TG: variants seen among roughly 807,000 people sequenced by gnomAD.
The protein encoded by TG is thyroid hormones.
A neutral mutation model predicts 324.7 loss-of-function variants in TG; 270 were observed. The ratio of observed to expected loss-of-function variants is 0.83; its 90% CI spans 0.75 to 0.92. The LOEUF is 0.92. Among genes scored for constraint, TG ranks in the 40% least tolerant of loss-of-function variants. The pLI is 0.00. For synonymous variants in TG, 1,401 were observed against 1,327.0 expected, an observed-to-expected ratio of 1.06 and a Z score of -1.21; for missense variants, 3,591 against 3,456.4, an observed-to-expected ratio of 1.04 and a Z score of -0.98.
At chr8:132,969,779 C>T (rs997989022) in intron 32 of TG, among the ~76,000 whole-genome samples, 3 of 151,744 alleles carry the variant, frequency 2.0e-5, no homozygotes, top group African/African-American at 4.8e-5. Context: ...GGCATGGTGG[C>T]GGCACATGCT....
At position 133,108,970 on chromosome 8, in the gene TG, G is replaced by A. The variant is rs141963103; in HGVS notation, c.7573-4452G>A. On this transcript the variant is annotated intron_variant, in intron 43 of 47. Coordinates refer to ENST00000220616, the MANE Select transcript of TG (RefSeq NM_003235.5). ...GCTAAACACTTTTAATGCATGTTTC[G>A]TTGGGATCTGTTAATAATTCATGCA... Among the ~76,000 whole-genome samples, 708 of 152,294 alleles carry A rather than the reference G, an allele frequency of 4.6e-3. 2 individuals carry two copies. Among genetic ancestry groups the A allele is most frequent in the South Asian group, 0.011 (51 of 4,826 alleles).
chr8:132,976,934 GT>G (rs1830244810), intron 34 of TG, among the ~76,000 whole-genome samples: 1 of 152,174 alleles, frequency 6.6e-6, no homozygotes, highest in East Asian at 1.9e-4. Flanking sequence ...TTTGAGAAGG[GT>G]AACCTTACTT....
chr8:132,949,435 A>G (rs1825796465), intron 27 of TG, among the ~76,000 whole-genome samples: 1 of 152,216 alleles, frequency 6.6e-6, no homozygotes, highest in Admixed American at 6.5e-5. Flanking sequence ...TAAACAAGAG[A>G]CAAAGGGTGG....
At chr8:133,123,722 AC>A (rs36076027) in intron 45 of TG, among the ~76,000 whole-genome samples, 38,379 of 151,936 alleles carry the variant, frequency 0.25, 5,376 homozygotes, top group African/African-American at 0.36. Context: ...TGGGGACCGC[AC>A]CCCCAGCCCT....
At chr8:133,049,002 G>C (rs757279902) in intron 41 of TG, 5 of 349,016 alleles carry the variant, frequency 1.4e-5, no homozygotes, top group Admixed American at 7.4e-5. Flanking sequence ...CATTTCCAAT[G>C]TGCTTTGCAT....
intron 5 of TG, among the ~76,000 whole-genome samples, chr8:132,875,933 G>C (rs1813718257): frequency 6.6e-6 from 1 of 152,116 alleles, no homozygotes. Context: ...CATATAGAGG[G>C]CCTAAGCTTA....
Position 132,916,116 on chromosome 8 carries a change from G to A in TG, c.4378+2851G>A, listed in dbSNP as rs539283562. Among the ~76,000 whole-genome samples the A allele has an allele frequency of 3.1e-4, 47 of 152,336 alleles. 1 individual carries two copies. The South Asian group carries it at 8.1e-3, about 26-fold the overall frequency. On this transcript the variant is annotated intron_variant, in intron 20 of 47. Coordinates refer to ENST00000220616, the MANE Select transcript of TG (RefSeq NM_003235.5). Reference sequence around the variant, plus strand: ...TCAGGAAAGTGCTCTGTGAAGTCAGGTGGACCCGGGTTCGAGTCCTAGCTC... The same window carrying A: ...TCAGGAAAGTGCTCTGTGAAGTCAGATGGACCCGGGTTCGAGTCCTAGCTC...
At chr8:133,100,970 C>G (rs1255763829) in intron 43 of TG, among the ~76,000 whole-genome samples, 1 of 147,352 alleles carries the variant, frequency 6.8e-6, no homozygotes, top group Non-Finnish European at 1.5e-5. Context: ...GATTTTTTTT[C>G]TGGGAAAGAA....
In TG at chr8:133,128,253, G is replaced by A. The variant is rs3779947; in HGVS notation, c.7863-3559G>A. Among the ~76,000 whole-genome samples the A allele has an allele frequency of 1.9e-4, 28 of 150,818 alleles. No individual in the cohort carries two copies. The East Asian group carries it at 5.3e-3, about 29-fold the overall frequency. ...CATTCGGCAACTGTGGGCGGAGCAGGGTCTTAGTCCCAACACCCCTTTTCT... is the reference window on the plus strand; with the variant it reads ...CATTCGGCAACTGTGGGCGGAGCAGAGTCTTAGTCCCAACACCCCTTTTCT... On this transcript the variant is annotated intron_variant, in intron 45 of 47. Transcript: ENST00000220616.
intron 30 of TG, 115 bp from the exon 31 acceptor site, chr8:132,967,679 G>A (rs147550701): frequency 8.5e-7 from 1 of 1,182,210 alleles, no homozygotes. Context: ...TCAGGCCTCT[G>A]CCCTAACTAG....
intron 17 of TG, 32 bp downstream of exon 17, chr8:132,906,932 C>A: frequency 6.3e-7 from 1 of 1,582,436 alleles, no homozygotes; most frequent in South Asian, 1.1e-5. Context: ...ATCCTGCACC[C>A]CGCTCCCTCT....
At chr8:132,935,107 C>G (rs1368866296) in intron 24 of TG, among the ~76,000 whole-genome samples, 1 of 151,532 alleles carries the variant, frequency 6.6e-6, no homozygotes, top group Non-Finnish European at 1.5e-5. Context: ...TGCTTAAAAT[C>G]AGCCCTCTCT....
At chr8:133,099,122 G>A (rs529475387) in intron 43 of TG, among the ~76,000 whole-genome samples, 1 of 152,364 alleles carries the variant, frequency 6.6e-6, no homozygotes, top group South Asian at 2.1e-4. Flanking sequence ...GGCCTGGCTG[G>A]AGAAGCCAGC....
chr8:133,114,236 G>C (rs2979044), intron 44 of TG, among the ~76,000 whole-genome samples: 54 of 152,286 alleles, frequency 3.5e-4, no homozygotes, highest in Admixed American at 3.3e-3. Flanking sequence ...TCTGGGGCCC[G>C]CTGTTTCTTG....
In TG at chr8:132,913,059, T is replaced by A. The variant is rs2132391164; in HGVS notation, c.4172T>A (p.Val1391Glu). Residue 1391 changes from valine (V) to glutamate (E), a missense_variant, in exon 20 of 48, where the codon GTG becomes GAG. Val to Glu is a moderately radical substitution (Grantham distance 121, BLOSUM62 -2). Transcript: ENST00000220616. ...PDLHDIERALVGKDLLGRFTD... is the reference protein window; with the variant it reads ...PDLHDIERALEGKDLLGRFTD... Reference sequence around the variant, plus strand: ...CTGTGTCTTACAGAGAGAGCCTTGGTGGGCAAGGATCTCCTTGGGCGCTTC... The same window carrying A: ...CTGTGTCTTACAGAGAGAGCCTTGGAGGGCAAGGATCTCCTTGGGCGCTTC... 1 of 1,614,122 alleles carries A rather than the reference T, an allele frequency of 6.2e-7. No individual in the cohort carries two copies. The highest frequency in any genetic ancestry group is 1.1e-5 in the South Asian group (1 of 91,076).
chr8:132,893,544 A>C, intron 10 of TG, 146 bp from the exon 11 acceptor site: 1 of 812,234 alleles, frequency 1.2e-6, no homozygotes. Flanking sequence ...TGTGTGGTGT[A>C]GGGGGGTGGT....
chr8:132,892,948 CAT>C (rs1005318715), intron 10 of TG, among the ~76,000 whole-genome samples: 6 of 119,870 alleles, frequency 5.0e-5, no homozygotes, highest in Admixed American at 4.3e-4. Flanking sequence ...TGTGTGTATG[CAT>C]GTGTGTGTAC....
Position 132,898,905 on chromosome 8 carries a change from C to G in TG, c.3325C>G (p.Leu1109Val). 6.2e-7 allele frequency: 1 copy of G among 1,613,666 alleles called. No individual in the cohort carries two copies. The highest frequency in any genetic ancestry group is 8.5e-7 in the Non-Finnish European group (1 of 1,179,708). ...SPKDLFVPACLETGEYARLQA... is the reference protein window; with the variant it reads ...SPKDLFVPACVETGEYARLQA... ...AAAAGACCTGTTCGTCCCAGCCTGC[C>G]TAGAAGTAAGGGTCTGGAAGCACAG... The change falls in exon 14 of 48, where the codon CTA becomes GTA. Residue 1109 changes from leucine to valine, a missense_variant. Physicochemically the swap from Leu to Val is conservative, Grantham distance 32. Transcript: ENST00000220616.
At chr8:133,103,364 C>A (rs1849500783) in intron 43 of TG, among the ~76,000 whole-genome samples, 1 of 152,068 alleles carries the variant, frequency 6.6e-6, no homozygotes, top group Non-Finnish European at 1.5e-5. Context: ...ACACTGTAAA[C>A]CCTCCACCCT....
Sources: allele counts gnomAD v4.1 joint callset (sites outside exome capture counted in the v4.1 genomes callset), GRCh38; gene constraint gnomAD v4.1.1; transcripts MANE v1.5; gene names NCBI Gene and HGNC (gene_info 2026-07-23, HGNC 2026-07-21).